ADA: variants seen among roughly 807,000 people sequenced by gnomAD.
ADA encodes adenosine deaminase, also known as adenosine aminohydrolase.
Under a neutral mutation model 49.0 loss-of-function variants are expected in ADA, and 45 were observed. The ratio of observed to expected loss-of-function variants is 0.92; its 90% CI spans 0.72 to 1.18. The LOEUF (loss-of-function observed/expected upper bound fraction) is 1.18. Ranked by LOEUF, ADA falls within the 50% of genes most tolerant of loss-of-function variation. The pLI is 0.00. For missense variants in ADA, 445 were observed against 472.5 expected (o/e 0.94, Z 0.54); for synonymous variants, 173 against 184.2 (o/e 0.94, Z 0.49).
In ADA at chr20:44,623,131, G is replaced by A. The variant is rs375059334; in HGVS notation, c.607-53C>T. ...TGCCCTAGCGGGAGGGCCCCGGCAGGCCCTGCCTTGACCATGCTGTGGAGA... is the reference window on the plus strand; with the variant it reads ...TGCCCTAGCGGGAGGGCCCCGGCAGACCCTGCCTTGACCATGCTGTGGAGA... On this transcript the variant is annotated intron_variant, in intron 6 of 11. Coordinates refer to ENST00000372874, the MANE Select transcript of ADA (RefSeq NM_000022.4). 1.3e-4 allele frequency: 208 copies of A among 1,610,374 alleles called. 1 individual carries two copies. In the Middle Eastern group the frequency reaches 1.8e-3, roughly 14 times the overall value.
chr20:44,621,077 T>G lies in ADA; in HGVS notation c.916A>C (p.Thr306Pro). Residue 306 changes from threonine to proline, a missense_variant, in exon 10 of 12, where the codon ACT (threonine) becomes CCT (proline). Transcript: ENST00000372874. ...TCCCGTTTGGTCATCTGGTAATCAG[T>G]GTCCAGGGTGGACTTGAAGATGAGC... ...DPLIFKSTLD[T>P]DYQMTKRDMG... is the part of the protein sequence containing the mutation. 1 of 1,614,196 alleles carries G rather than the reference T, an allele frequency of 6.2e-7. No homozygotes were observed. The highest frequency in any genetic ancestry group is 8.5e-7 in the Non-Finnish European group (1 of 1,180,036).
At chr20:44,629,702 G>T (rs907760170) in intron 2 of ADA, among the ~76,000 whole-genome samples, 2 of 152,178 alleles carry the variant, frequency 1.3e-5, no homozygotes, top group Admixed American at 6.5e-5. Context: ...GGAGAGGGCC[G>T]GTGGAGGCTC....
chr20:44,649,018 T>C (rs2065618241), intron 1 of ADA, among the ~76,000 whole-genome samples: 1 of 152,068 alleles, frequency 6.6e-6, no homozygotes, highest in African/African-American at 2.4e-5. Context: ...CCTGGGGCAC[T>C]GGCACCTCTA....
chr20:44,638,661 G>A (rs559057767), intron 1 of ADA, among the ~76,000 whole-genome samples: 205 of 152,316 alleles, frequency 1.3e-3, no homozygotes, highest in Non-Finnish European at 2.5e-3. Flanking sequence ...AAACAGGAGG[G>A]TCCAAGTCCT....
At chr20:44,632,342 G>A (rs888281483) in intron 2 of ADA, among the ~76,000 whole-genome samples, 2 of 152,146 alleles carry the variant, frequency 1.3e-5, no homozygotes, top group Non-Finnish European at 2.9e-5. Context: ...TGGGGCTTTG[G>A]CTGAAAGCAC....
chr20:44,620,417 T>C lies in ADA; in HGVS notation c.976-16A>G. ...CATTGATGTTCTGGAAAGGCCAGAA[T>C]GGCAGACAACATGGAACCAGAGAAC... On this transcript the variant is annotated splice_polypyrimidine_tract_variant and intron_variant, in intron 10 of 11. Transcript: ENST00000372874. 1 of 1,603,462 alleles carries C rather than the reference T, an allele frequency of 6.2e-7. No individual in the cohort carries two copies. The highest frequency in any genetic ancestry group is 8.5e-7 in the Non-Finnish European group (1 of 1,170,220).
intron 9 of ADA, 79 bp from the exon 10 acceptor site, chr20:44,621,226 C>T: frequency 6.3e-7 from 1 of 1,575,282 alleles, no homozygotes; most frequent in South Asian, 1.1e-5. Context: ...CGTTCACCCG[C>T]CTTTGATCCT....
chr20:44,650,030 C>T (rs1393019516), intron 1 of ADA, among the ~76,000 whole-genome samples: 2 of 152,166 alleles, frequency 1.3e-5, no homozygotes, highest in African/African-American at 2.4e-5. Context: ...CCACTGCACC[C>T]CGCCAATCAA....
intron 2 of ADA, chr20:44,636,002 G>A: frequency 3.4e-6 from 2 of 580,014 alleles, no homozygotes; most frequent in South Asian, 4.0e-5. Flanking sequence ...GACACCAGGA[G>A]GACAAGACTC....
At chr20:44,639,755 C>G (rs1209587541) in intron 1 of ADA, among the ~76,000 whole-genome samples, 1 of 152,000 alleles carries the variant, frequency 6.6e-6, no homozygotes, top group African/African-American at 2.4e-5. Flanking sequence ...AGTGGAAGAA[C>G]CCAGTGGGAT....
At chr20:44,647,964 T>G (rs1197967727) in intron 1 of ADA, among the ~76,000 whole-genome samples, 2 of 151,990 alleles carry the variant, frequency 1.3e-5, no homozygotes, top group African/African-American at 2.4e-5. Context: ...GAGGATCGCA[T>G]GAACCCAGGA....
chr20:44,650,165 T>C (rs954185721), intron 1 of ADA, among the ~76,000 whole-genome samples: 3 of 152,306 alleles, frequency 2.0e-5, no homozygotes, highest in East Asian at 1.9e-4. Flanking sequence ...GGGCCCCAGC[T>C]CCAGTAAGAC....
chr20:44,620,405 G>A lies in ADA; in HGVS notation c.976-4C>T, dbSNP rs757375351. ...TAGATTTGGCCGCATTGATGTTCTG[G>A]AAAGGCCAGAATGGCAGACAACATG... is the stretch of plus-strand genomic sequence containing the variant. On this transcript the variant is annotated splice_polypyrimidine_tract_variant and splice_region_variant and intron_variant, in intron 10 of 11. Transcript: ENST00000372874. 4.3e-6 allele frequency: 7 copies of A among 1,612,944 alleles called. No individual in the cohort carries two copies. The African/African-American group carries it at 9.3e-5, about 22-fold the overall frequency.
intron 1 of ADA, among the ~76,000 whole-genome samples, chr20:44,638,102 C>T (rs927801816): frequency 1.3e-5 from 2 of 152,170 alleles, no homozygotes; most frequent in African/African-American, 4.8e-5. Flanking sequence ...GCTGGAATCT[C>T]GGCTCCTCCA....
intron 1 of ADA, among the ~76,000 whole-genome samples, chr20:44,650,877 GGTCCA>G (rs1568859942): frequency 6.6e-6 from 1 of 152,144 alleles, no homozygotes; most frequent in Non-Finnish European, 1.5e-5. Context: ...AGGCCAAGGG[GGTCCA>G]GACCCTCCCT....
intron 1 of ADA, among the ~76,000 whole-genome samples, chr20:44,639,537 C>T (rs1011294403): frequency 2.6e-4 from 39 of 152,006 alleles, no homozygotes; most frequent in African/African-American, 8.9e-4. Context: ...CTCAGCCTCC[C>T]GAGTAGTTGG....
chr20:44,636,368 G>A, intron 1 of ADA, 80 bp from the exon 2 acceptor site: 1 of 1,219,198 alleles, frequency 8.2e-7, no homozygotes, highest in South Asian at 1.3e-5. Flanking sequence ...ACCTTTCAGA[G>A]CTTAATGTTA....
At chr20:44,624,054 T>G in intron 6 of ADA, 148 bp downstream of exon 6, 2 of 1,161,540 alleles carry the variant, frequency 1.7e-6, no homozygotes, top group Non-Finnish European at 2.4e-6. Flanking sequence ...CCCAGGGGGA[T>G]TCCAGTTCCA....
At chr20:44,622,098 C>T (rs747655112) in intron 9 of ADA, among the ~76,000 whole-genome samples, 11 of 152,174 alleles carry the variant, frequency 7.2e-5, no homozygotes, top group East Asian at 1.9e-4. Context: ...GGCGACAGGA[C>T]GGAAGGAGGG....
Sources: allele counts gnomAD v4.1 joint callset (sites outside exome capture counted in the v4.1 genomes callset), GRCh38; gene constraint gnomAD v4.1.1; transcripts MANE v1.5; gene names NCBI Gene and HGNC (gene_info 2026-07-23, HGNC 2026-07-21).